The following DNM1L variants were observed in gnomAD, a reference collection of about 807,000 sequenced individuals.
DNM1L encodes dynamin 1L, also known as dynamin-1-like protein.
DNM1L carries 33 observed loss-of-function variants against 92.8 expected under a neutral mutation model. The observed-to-expected ratio is 0.36, with a 90% CI of 0.27 to 0.48. The LOEUF (loss-of-function observed/expected upper bound fraction) is 0.48. Among genes scored for constraint, DNM1L ranks in the 20% least tolerant of loss-of-function variants. The probability of loss-of-function intolerance (pLI) is 0.99; values close to 1 mark genes in which losing one functional copy is unlikely to be tolerated. For synonymous variants in DNM1L, 284 were observed against 305.0 expected (o/e 0.93, Z 0.72); for missense variants, 485 against 888.8 (o/e 0.55, Z 5.78).
chr12:32,695,159 A>G (rs1952388447), intron 1 of DNM1L, among the ~76,000 whole-genome samples: 1 of 152,172 alleles, frequency 6.6e-6, no homozygotes, highest in Non-Finnish European at 1.5e-5. Context: ...AAGAAACTAT[A>G]TTTTTGAATA....
rs903418024 is a variant in DNM1L at position 32,733,939 on chromosome 12, A to C, written c.1539+132A>C. 13 of 776,034 alleles carry C rather than the reference A, an allele frequency of 1.7e-5. No individual in the cohort carries two copies. In the African/African-American group the frequency reaches 2.2e-4, roughly 13 times the overall value. 48.1% of individuals were successfully genotyped at this position (776,034 alleles called of 1,614,324 possible). On this transcript the variant is annotated intron_variant, in intron 13 of 19. Transcript: ENST00000549701. ...ATTAGTGCCTGCTGCATGTCAGGAA[A>C]TATGCTGAGGGGATTACATTGTTTT...
At chr12:32,726,158 G>A (rs990669216) in intron 9 of DNM1L, among the ~76,000 whole-genome samples, 15 of 152,062 alleles carry the variant, frequency 9.9e-5, no homozygotes, top group Admixed American at 8.5e-4. Context: ...ATGTAGCAGC[G>A]AATGAACATG....
chr12:32,724,660 A>G (rs1954014101), intron 9 of DNM1L, among the ~76,000 whole-genome samples: 2 of 141,488 alleles, frequency 1.4e-5, no homozygotes, highest in South Asian at 2.2e-4. Context: ...TTTAATATAT[A>G]TATAAAAAAT....
Position 32,745,608 on chromosome 12 carries a change from G to T in DNM1L, c.*2198G>T, listed in dbSNP as rs1232565601. 1 of 152,308 alleles carries T rather than the reference G, an allele frequency of 6.6e-6. No individual in the cohort carries two copies. Among genetic ancestry groups the T allele is most frequent in the African/African-American group, 2.4e-5 (1 of 41,432 alleles). The allele number at this position is 152,308 out of a possible 1,614,324, so 9.4% of individuals were successfully genotyped here. ...TCCCAGAGAAAGGGAGACAAAAGGA[G>T]CTTTTTAATACCTAATCTACTTTGG... is the stretch of plus-strand genomic sequence containing the variant. On this transcript the variant is annotated 3_prime_UTR_variant, in exon 20 of 20. Coordinates refer to ENST00000549701, the MANE Select transcript of DNM1L (RefSeq NM_012062.5).
At chr12:32,694,233 G>A (rs188125936) in intron 1 of DNM1L, among the ~76,000 whole-genome samples, 17 of 152,196 alleles carry the variant, frequency 1.1e-4, no homozygotes, top group East Asian at 7.8e-4. Flanking sequence ...CTACAGGTGC[G>A]TGCCACCTTG....
intron 5 of DNM1L, among the ~76,000 whole-genome samples, chr12:32,712,040 T>C (rs963684836): frequency 6.6e-6 from 1 of 152,220 alleles, no homozygotes; most frequent in African/African-American, 2.4e-5. Context: ...TCGTGTTTTA[T>C]AAATTCATAT....
intron 4 of DNM1L, among the ~76,000 whole-genome samples, chr12:32,710,188 T>C (rs755143761): frequency 6.6e-6 from 1 of 152,202 alleles, no homozygotes; most frequent in Non-Finnish European, 1.5e-5. Flanking sequence ...CCTCTCACTA[T>C]CCAAATTCTT....
intron 5 of DNM1L, among the ~76,000 whole-genome samples, chr12:32,712,649 C>CAAAAAAAAAAAAAAA (rs59906286): frequency 6.7e-5 from 2 of 29,792 alleles, no homozygotes; most frequent in Non-Finnish European, 6.3e-5. Flanking sequence ...GACCCTGTCT[C>CAAAAAAAAAAAAAAA]AAAAAAAAAA....
intron 1 of DNM1L, among the ~76,000 whole-genome samples, chr12:32,688,699 C>T (rs1952118207): frequency 6.6e-6 from 1 of 151,306 alleles, no homozygotes; most frequent in Admixed American, 6.6e-5. Context: ...TGTGTAGATT[C>T]ATATCACTTT....
intron 8 of DNM1L, among the ~76,000 whole-genome samples, chr12:32,721,705 C>T (rs889861113): frequency 6.6e-6 from 1 of 152,036 alleles, no homozygotes; most frequent in Non-Finnish European, 1.5e-5. Flanking sequence ...ATAGTGTCAG[C>T]GCCCACAGGT....
At chr12:32,706,468 T>G (rs1033433241) in intron 2 of DNM1L, among the ~76,000 whole-genome samples, 1 of 152,206 alleles carries the variant, frequency 6.6e-6, no homozygotes, top group Non-Finnish European at 1.5e-5. Flanking sequence ...TTTCCACAAT[T>G]AAACAGTTCT....
At chr12:32,726,277 T>G (rs991147560) in intron 9 of DNM1L, 4 of 962,072 alleles carry the variant, frequency 4.2e-6, no homozygotes, top group African/African-American at 3.3e-5. Flanking sequence ...AAAACAAAAA[T>G]TACCCAGTCT....
chr12:32,717,374 AC>A lies in DNM1L; in HGVS notation c.620-1268del, dbSNP rs1565517675. 1.3e-4 allele frequency among the ~76,000 whole-genome samples: 10 copies of A among 75,960 alleles called. 1 individual carries two copies. The highest frequency in any genetic ancestry group is 5.2e-4 in the African/African-American group (9 of 17,416). The allele number at this position is 75,960 out of a possible 152,430, so 49.8% of individuals were successfully genotyped here. ...TATATATAGTATATATAATATATAT[AC>A]TATATATAATATATAGTATATATAA... On this transcript the variant is annotated intron_variant, in intron 6 of 19. Coordinates refer to ENST00000549701, the MANE Select transcript of DNM1L (RefSeq NM_012062.5).
intron 1 of DNM1L, among the ~76,000 whole-genome samples, chr12:32,685,228 C>T (rs1387541742): frequency 2.0e-5 from 3 of 151,942 alleles, no homozygotes; most frequent in East Asian, 1.9e-4. Flanking sequence ...TGAGCCACCG[C>T]GCCCGGTCAG....
chr12:32,686,928 CTTTTTTTTCTTTTT>C (rs1565487221), intron 1 of DNM1L, among the ~76,000 whole-genome samples: 1 of 121,636 alleles, frequency 8.2e-6, no homozygotes, highest in Non-Finnish European at 1.7e-5. Context: ...TGTAAGAGTT[CTTTTTTTTCTTTTT>C]TTTTTTTTTT....
Position 32,730,999 on chromosome 12 carries a change from T to G in DNM1L, c.1080-15T>G, listed in dbSNP as rs1389379406. ...TTTTGCAATGCCAGAAACCATATAC[T>G]TCATTGCCTTTCAGATGCGGTGGTG... is the stretch of plus-strand genomic sequence containing the variant. On this transcript the variant is annotated splice_polypyrimidine_tract_variant and intron_variant, in intron 9 of 19. Transcript: ENST00000549701. 1.2e-6 allele frequency: 2 copies of G among 1,613,764 alleles called. No individual in the cohort carries two copies. The highest frequency in any genetic ancestry group is 1.7e-6 in the Non-Finnish European group (2 of 1,179,822).
chr12:32,726,501 T>A (rs1447896876), intron 9 of DNM1L: 2 of 1,055,584 alleles, frequency 1.9e-6, no homozygotes, highest in Admixed American at 1.7e-5. Context: ...ATACTCATCA[T>A]CATCATCTTC....
At chr12:32,706,092 G>T in intron 2 of DNM1L, 1 of 433,798 alleles carries the variant, frequency 2.3e-6, no homozygotes, top group Non-Finnish European at 4.0e-6. Flanking sequence ...AGACATGCTT[G>T]TGAAGCCAAG....
At chr12:32,695,757 G>GT (rs1459769100) in intron 1 of DNM1L, among the ~76,000 whole-genome samples, 2 of 152,206 alleles carry the variant, frequency 1.3e-5, no homozygotes, top group Non-Finnish European at 2.9e-5. Flanking sequence ...GGGCAACAGA[G>GT]TGAGACCTTG....
Sources: allele counts gnomAD v4.1 joint callset (sites outside exome capture counted in the v4.1 genomes callset), GRCh38; gene constraint gnomAD v4.1.1; transcripts MANE v1.5; gene names NCBI Gene and HGNC (gene_info 2026-07-23, HGNC 2026-07-21).